The following PRDM15 variants were observed in gnomAD, a reference collection of about 807,000 sequenced individuals.
PRDM15 encodes PR/SET domain 15.
A neutral mutation model predicts 128.6 loss-of-function variants in PRDM15; 64 were observed. That is an observed-to-expected ratio of 0.50 (90% CI 0.41 to 0.61). The LOEUF (loss-of-function observed/expected upper bound fraction) is 0.61. Among genes scored for constraint, PRDM15 ranks in the 20% least tolerant of loss-of-function variants. PRDM15 has a pLI of 0.00. For missense variants in PRDM15, 1,242 were observed against 1,569.1 expected (o/e 0.79, Z 3.52); for synonymous variants, 615 against 621.8 (o/e 0.99, Z 0.16).
Position 41,857,311 on chromosome 21 carries a change from GT to G in PRDM15, c.149del (p.Asn50ThrfsTer45). The G allele has an allele frequency of 6.2e-7, 1 of 1,613,886 alleles. No individual in the cohort carries two copies. Among genetic ancestry groups the G allele is most frequent in the Non-Finnish European group, 8.5e-7 (1 of 1,180,020 alleles). On this transcript the variant is annotated frameshift_variant, in exon 4 of 24. Coordinates refer to ENST00000398548, the MANE Select transcript of PRDM15 (RefSeq NM_001040424.3). LOFTEE classifies it high-confidence loss of function. ...LSRARSSLPPNLEIRRLEDGA... is the reference protein window; with the variant it reads ...LSRARSSLPPXLEIRRLEDGA... ...CATCTTCCAGTCGTCTGATCTCCAA[GT>G]TGGGAGGAAGGGATGACCTGGAAAT...
chr21:41,862,429 C>T lies in PRDM15; in HGVS notation c.-9-2057G>A, dbSNP rs145375354. ...CCTTGCCTCTGGCCTACACCTCTCA[C>T]AGACTGCCCACCCCTTCTAGGTGCC... On this transcript the variant is annotated intron_variant, in intron 1 of 23. Transcript: ENST00000398548. The surrounding 1 kb of genome is among the most constrained non-coding windows in gnomAD (Gnocchi z 4.1). Among the ~76,000 whole-genome samples the T allele has an allele frequency of 8.5e-4, 129 of 152,316 alleles. 1 individual carries two copies. Among genetic ancestry groups the T allele is most frequent in the African/African-American group, 3.0e-3 (124 of 41,556 alleles).
At position 41,859,035 on chromosome 21, in the gene PRDM15, C is replaced by T. The variant is rs2063728095; in HGVS notation, c.131+557G>A. ...GAGTGCCTTGTCCAAGCTCACCTGC[C>T]CTGGGCCACCAGGTGGCACAGCCTC... On this transcript the variant is annotated intron_variant, in intron 3 of 23. Transcript: ENST00000398548. The surrounding 1 kb of genome is among the most constrained non-coding windows in gnomAD (Gnocchi z 5.3). 6.4e-7 allele frequency: 1 copy of T among 1,555,490 alleles called. No homozygotes were observed.
chr21:41,825,547 C>A (rs1282251316), intron 13 of PRDM15, among the ~76,000 whole-genome samples: 2 of 152,248 alleles, frequency 1.3e-5, no homozygotes, highest in African/African-American at 4.8e-5. Context: ...CGCCAGCCAT[C>A]CACTGCACGG....
At chr21:41,871,791 A>C in intron 1 of PRDM15, 1 of 680,570 alleles carries the variant, frequency 1.5e-6, no homozygotes, top group African/African-American at 1.8e-5. Flanking sequence ...GCTGCGTTTC[A>C]TCACCTCTCC....
Position 41,864,190 on chromosome 21 carries a change from G to A in PRDM15, c.-9-3818C>T, listed in dbSNP as rs564862962. 7.2e-5 allele frequency among the ~76,000 whole-genome samples: 11 copies of A among 152,284 alleles called. No homozygotes were observed. The South Asian group carries it at 1.0e-3, about 14-fold the overall frequency. On this transcript the variant is annotated intron_variant, in intron 1 of 23. Coordinates refer to ENST00000398548, the MANE Select transcript of PRDM15 (RefSeq NM_001040424.3). ...GCGGATTGGATTTTAAAATCCAAGC[G>A]AGGAAGGGCAACCATTTCAGCAGTT...
chr21:41,853,760 C>T (rs578022126), intron 5 of PRDM15, among the ~76,000 whole-genome samples: 7 of 152,296 alleles, frequency 4.6e-5, no homozygotes, highest in South Asian at 2.1e-4. Flanking sequence ...TCTTTGAACA[C>T]GCATGCACAC....
At position 41,862,232 on chromosome 21, in the gene PRDM15, T is replaced by C. The variant is rs1372102411; in HGVS notation, c.-9-1860A>G. 2.0e-5 allele frequency among the ~76,000 whole-genome samples: 3 copies of C among 152,186 alleles called. No homozygotes were observed. The highest frequency in any genetic ancestry group is 3.9e-4 in the East Asian group (2 of 5,184). The stretch of plus-strand genomic sequence containing the variant: ...TCAGGAGCTTGGGCGATGGGAACGA[T>C]AGGCCTTAAGAGGCGCCCCACACTG... On this transcript the variant is annotated intron_variant, in intron 1 of 23. Coordinates refer to ENST00000398548, the MANE Select transcript of PRDM15 (RefSeq NM_001040424.3). The surrounding 1 kb of genome is among the most constrained non-coding windows in gnomAD (Gnocchi z 4.1).
chr21:41,840,926 C>G (rs2063057207), intron 6 of PRDM15, among the ~76,000 whole-genome samples: 1 of 151,958 alleles, frequency 6.6e-6, no homozygotes, highest in South Asian at 2.1e-4. Flanking sequence ...TTAGACACAA[C>G]TGAAGAGAGA....
intron 1 of PRDM15, chr21:41,874,637 T>A (rs1166858879): frequency 6.7e-6 from 1 of 149,876 alleles, no homozygotes; most frequent in Non-Finnish European, 1.5e-5. Flanking sequence ...CAGTTAAAAG[T>A]CCAACCGCAT....
intron 8 of PRDM15, 70 bp downstream of exon 8, chr21:41,837,864 T>C: frequency 6.3e-7 from 1 of 1,581,462 alleles, no homozygotes; most frequent in Non-Finnish European, 8.7e-7. Flanking sequence ...GTGCCTTCCC[T>C]CCAGAATGGC....
At chr21:41,844,274 C>T (rs548304699) in intron 6 of PRDM15, among the ~76,000 whole-genome samples, 2 of 152,148 alleles carry the variant, frequency 1.3e-5, no homozygotes, top group African/African-American at 4.8e-5. Flanking sequence ...GGACAGCGCT[C>T]AGTGCCAGTC....
chr21:41,816,172 A>G (rs1396090609), intron 18 of PRDM15, among the ~76,000 whole-genome samples: 2 of 152,252 alleles, frequency 1.3e-5, no homozygotes, highest in African/African-American at 2.4e-5. Context: ...ATAGATTAAT[A>G]CAAGCATGAC....
rs970953637 is a variant in PRDM15 at position 41,830,934 on chromosome 21, C to T, written c.1367-2601G>A. Among the ~76,000 whole-genome samples the T allele has an allele frequency of 5.0e-4, 76 of 152,040 alleles. 1 individual carries two copies. The highest frequency in any genetic ancestry group is 2.6e-4 in the Admixed American group (4 of 15,268). On this transcript the variant is annotated intron_variant, in intron 11 of 23. Transcript: ENST00000398548. ...CCAGTCCCTCACCCTGCAGCAGCAG[C>T]CCCAGGTCCCCTCGCCCTGCCCCCA... is the stretch of plus-strand genomic sequence containing the variant.
In PRDM15 at chr21:41,832,918, G is replaced by A. The variant is rs893522943; in HGVS notation, c.1366+2519C>T. Among the ~76,000 whole-genome samples, 2 of 152,168 alleles carry A rather than the reference G, an allele frequency of 1.3e-5. No homozygotes were observed. The highest frequency in any genetic ancestry group is 1.9e-4 in the East Asian group (1 of 5,192). ...TGCCAAGCCGAGGGTGGCTTCTCCC[G>A]CAGCCACCCACTCACTGCCAGTTCA... On this transcript the variant is annotated intron_variant, in intron 11 of 23. Transcript: ENST00000398548. This position sits in a 1 kb window ranked among gnomAD's most constrained non-coding sequence, Gnocchi z 4.2.
intron 21 of PRDM15, among the ~76,000 whole-genome samples, chr21:41,808,984 G>C (rs1182163352): frequency 6.6e-6 from 1 of 152,202 alleles, no homozygotes; most frequent in Non-Finnish European, 1.5e-5. Context: ...TGGTCACTCT[G>C]AATCTAAAAC....
At chr21:41,871,206 T>C (rs886850547) in intron 1 of PRDM15, among the ~76,000 whole-genome samples, 1 of 152,152 alleles carries the variant, frequency 6.6e-6, no homozygotes, top group African/African-American at 2.4e-5. Flanking sequence ...AAGGCATGTG[T>C]TCTACAGGCC....
chr21:41,879,257 C>G lies in PRDM15; in HGVS notation c.-10+13G>C, dbSNP rs761217368. ...GCCGGGGCGGGCGGCGGGCGCAGGG[C>G]CCGGAGCTTTACCTGCCTTTGGAAT... On this transcript the variant is annotated intron_variant, in intron 1 of 23. Transcript: ENST00000398548. The surrounding 1 kb of genome is among the most constrained non-coding windows in gnomAD (Gnocchi z 5.1). 13 of 980,998 alleles carry G rather than the reference C, an allele frequency of 1.3e-5. 1 individual carries two copies. The highest frequency in any genetic ancestry group is 1.8e-4 in the East Asian group (2 of 10,842). 60.8% of individuals were successfully genotyped at this position (980,998 alleles called of 1,614,324 possible).
In PRDM15 at chr21:41,857,182, G is replaced by A. The variant is rs2063660697; in HGVS notation, c.279C>T (p.Pro93=). The A allele has an allele frequency of 1.2e-6, 2 of 1,612,844 alleles. No individual in the cohort carries two copies. Among genetic ancestry groups the A allele is most frequent in the East Asian group, 2.2e-5 (1 of 44,860 alleles). ...VAKWEKESAF[P]LKVFQKDGHP... ...GTTTGGCAACAGCCTTTACCTTCAG[G>A]GGAAATGCAGACTCCTTTTCCCATT... The change falls in exon 4 of 24, where the codon CCC becomes CCT. Residue 93 remains proline (P), a synonymous_variant. Coordinates refer to ENST00000398548, the MANE Select transcript of PRDM15 (RefSeq NM_001040424.3).
chr21:41,839,892 G>GC, intron 6 of PRDM15, 39 bp from the exon 7 acceptor site: 2 of 1,566,216 alleles, frequency 1.3e-6, no homozygotes, highest in Non-Finnish European at 1.8e-6. Flanking sequence ...CAATTAGGAA[G>GC]CCTGCCACCG....
Sources: gnomAD v4.1 joint callset for allele counts (sites outside exome capture counted in the v4.1 genomes callset) on GRCh38, gnomAD v4.1.1 for gene constraint, Gnocchi (gnomAD v3.1) non-coding constraint, MANE v1.5 for transcripts, NCBI Gene and HGNC (gene_info 2026-07-23, HGNC 2026-07-21) for gene names.